Variants in CDH13 observed in about 807,000 individuals in gnomAD.
CDH13 encodes cadherin 13.
CDH13 carries 24 observed loss-of-function variants against 63.8 expected under a neutral mutation model. The observed-to-expected ratio is 0.38, with a 90% CI of 0.27 to 0.53. CDH13 has a LOEUF of 0.53. Ranked by LOEUF, CDH13 falls within the 20% of genes least tolerant of loss-of-function variation. The pLI is 0.85. For synonymous variants in CDH13, 503 were observed against 355.3 expected (o/e 1.42, Z -4.67); for missense variants, 1,049 against 903.1 (o/e 1.16, Z -2.07).
chr16:82,825,812 G>A (rs1446348269), intron 1 of CDH13: 1 of 151,126 alleles, frequency 6.6e-6, no homozygotes, highest in Non-Finnish European at 1.5e-5. Context: ...CTCCCACAGT[G>A]CGAGGATTAC....
At chr16:83,781,775 G>C in intron 12 of CDH13, among the ~76,000 whole-genome samples, 1 of 151,300 alleles carries the variant, frequency 6.6e-6, no homozygotes, top group African/African-American at 2.4e-5. Context: ...TTTTTTGGGG[G>C]CGTGCAGAGG....
At chr16:83,578,086 T>A (rs1905215931) in intron 7 of CDH13, among the ~76,000 whole-genome samples, 1 of 152,212 alleles carries the variant, frequency 6.6e-6, no homozygotes, top group Admixed American at 6.5e-5. Flanking sequence ...TGCCTCTGGC[T>A]TAAACAGCAG....
intron 1 of CDH13, among the ~76,000 whole-genome samples, chr16:82,759,020 C>T (rs1481287812): frequency 6.6e-6 from 1 of 152,178 alleles, no homozygotes; most frequent in Non-Finnish European, 1.5e-5. Context: ...TCTTCACTTT[C>T]TAAGGGCTTT....
At chr16:83,589,445 C>T (rs1410151900) in intron 7 of CDH13, among the ~76,000 whole-genome samples, 1 of 151,558 alleles carries the variant, frequency 6.6e-6, no homozygotes. Flanking sequence ...GCCTCCCTCT[C>T]ATGAGGACTC....
chr16:83,542,816 T>C (rs1182498795), intron 7 of CDH13, among the ~76,000 whole-genome samples: 1 of 152,262 alleles, frequency 6.6e-6, no homozygotes, highest in Non-Finnish European at 1.5e-5. Flanking sequence ...CTCATTTTTA[T>C]AAGAACACCA....
intron 3 of CDH13, among the ~76,000 whole-genome samples, chr16:83,113,348 CT>C (rs1452388716): frequency 6.6e-6 from 1 of 152,242 alleles, no homozygotes; most frequent in Admixed American, 6.5e-5. Context: ...GGAGCAAATA[CT>C]CTGCACCAGC....
chr16:83,600,722 C>G (rs747683082), intron 7 of CDH13, among the ~76,000 whole-genome samples: 4 of 152,132 alleles, frequency 2.6e-5, no homozygotes, highest in African/African-American at 7.2e-5. Flanking sequence ...AACTCGGACT[C>G]TCTGTGTGAT....
intron 1 of CDH13, among the ~76,000 whole-genome samples, chr16:82,750,069 C>CA (rs1236687619): frequency 2.6e-5 from 4 of 151,930 alleles, no homozygotes; most frequent in Non-Finnish European, 5.9e-5. Flanking sequence ...GGAGTTGCAC[C>CA]AAAAAGAGAC....
chr16:83,373,494 G>T (rs751793767), intron 6 of CDH13, among the ~76,000 whole-genome samples: 1 of 152,138 alleles, frequency 6.6e-6, no homozygotes, highest in Non-Finnish European at 1.5e-5. Context: ...AAAGAGTAAG[G>T]CATGATCTGA....
intron 3 of CDH13, among the ~76,000 whole-genome samples, chr16:83,080,871 G>GTTTTTTTTTTTGTTTTTTTTTTTTTT (rs2033185148): frequency 6.4e-5 from 3 of 46,956 alleles, no homozygotes; most frequent in Non-Finnish European, 1.1e-4. Flanking sequence ...TTGTTTTTGT[G>GTTTTTTTTTTTGTTTTTTTTTTTTTT]TTTTTTTTTT....
intron 5 of CDH13, among the ~76,000 whole-genome samples, chr16:83,342,981 A>G (rs921351486): frequency 2.7e-5 from 4 of 149,304 alleles, no homozygotes; most frequent in Non-Finnish European, 4.4e-5. Flanking sequence ...TGTTAGCAGT[A>G]TTCTCATAAT....
At chr16:82,648,778 C>CT (rs1420540911) in intron 1 of CDH13, among the ~76,000 whole-genome samples, 4 of 151,968 alleles carry the variant, frequency 2.6e-5, no homozygotes, top group Non-Finnish European at 5.9e-5. Context: ...AAAAAACCTT[C>CT]TAAAAAATAG....
chr16:83,477,319 G>C (rs1026543216), intron 6 of CDH13, among the ~76,000 whole-genome samples: 4 of 152,214 alleles, frequency 2.6e-5, no homozygotes, highest in Non-Finnish European at 5.9e-5. Flanking sequence ...CTCCAGGGAG[G>C]CAAAGCAAAG....
At chr16:83,602,834 A>C (rs1320482630) in intron 8 of CDH13, among the ~76,000 whole-genome samples, 8 of 152,338 alleles carry the variant, frequency 5.3e-5, no homozygotes, top group Middle Eastern at 3.4e-3. Flanking sequence ...TAAAGTCCAT[A>C]AGAAAATAAC....
intron 2 of CDH13, among the ~76,000 whole-genome samples, chr16:82,966,398 C>A (rs533027806): frequency 6.6e-6 from 1 of 152,324 alleles, no homozygotes; most frequent in South Asian, 2.1e-4. Context: ...CCGCCCACCT[C>A]CGCCTCCCAA....
intron 2 of CDH13, among the ~76,000 whole-genome samples, chr16:82,916,984 C>A (rs892762556): frequency 1.3e-5 from 2 of 152,168 alleles, no homozygotes; most frequent in Admixed American, 6.5e-5. Flanking sequence ...TTCCCGCATC[C>A]ACACTCACAC....
At chr16:83,060,675 A>G (rs1231960047) in intron 3 of CDH13, among the ~76,000 whole-genome samples, 4 of 152,230 alleles carry the variant, frequency 2.6e-5, no homozygotes, top group Non-Finnish European at 5.9e-5. Flanking sequence ...ACCGCAGTGC[A>G]ATGCTATCCT....
At chr16:82,990,613 C>T (rs545774473) in intron 2 of CDH13, among the ~76,000 whole-genome samples, 2 of 148,392 alleles carry the variant, frequency 1.3e-5, no homozygotes, top group East Asian at 4.1e-4. Flanking sequence ...GTGGCACAAT[C>T]ACGGCTCACT....
chr16:82,897,696 T>C (rs769616240), intron 2 of CDH13, among the ~76,000 whole-genome samples: 2 of 152,258 alleles, frequency 1.3e-5, no homozygotes, highest in Non-Finnish European at 2.9e-5. Flanking sequence ...ACATTGCCAA[T>C]GCAAGGTGGA....
Sources: allele counts gnomAD v4.1 joint callset (sites outside exome capture counted in the v4.1 genomes callset), GRCh38; gene constraint gnomAD v4.1.1; transcripts MANE v1.5; gene names NCBI Gene and HGNC (gene_info 2026-07-23, HGNC 2026-07-21).